POU3F3: variants seen among roughly 807,000 people sequenced by gnomAD.
POU3F3 encodes the protein POU class 3 homeobox 3.
Under a neutral mutation model 8.6 loss-of-function variants are expected in POU3F3, and 1 was observed. The ratio of observed to expected loss-of-function variants is 0.12; its 90% CI spans 0.04 to 0.55. The LOEUF is 0.55. POU3F3 is among the 20% of genes least tolerant of loss of function. The pLI, the probability that POU3F3 is intolerant of heterozygous loss-of-function variation, is 0.91. For synonymous variants in POU3F3, 418 were observed against 327.4 expected, an observed-to-expected ratio of 1.28 and a Z score of -2.99; for missense variants, 577 against 690.7, an observed-to-expected ratio of 0.84 and a Z score of 1.84.
chr2:104,855,456 T>G lies in POU3F3; in HGVS notation c.-55T>G, dbSNP rs1317282813. ...CGGCGGCGGCGGCGGCCGCGGCTGC[T>G]GCTGCGGCGGCGGCGGCGGTGGTGG... On this transcript the variant is annotated 5_prime_UTR_variant, in exon 1 of 1. Transcript: ENST00000361360. The G allele has an allele frequency of 4.0e-5, 32 of 802,136 alleles. No homozygotes were observed. Among genetic ancestry groups the G allele is most frequent in the Non-Finnish European group, 4.6e-5 (32 of 693,552 alleles). The allele number at this position is 802,136 out of a possible 1,614,324, so 49.7% of individuals were successfully genotyped here.
chr2:104,902,825 A>C, the POU3F3 span, among the ~76,000 whole-genome samples: 1 of 152,198 alleles, frequency 6.6e-6, no homozygotes, highest in Non-Finnish European at 1.5e-5. Flanking sequence ...AATAAATTAC[A>C]AATTCTCCAC....
the POU3F3 span, among the ~76,000 whole-genome samples, chr2:104,884,169 G>T: frequency 6.6e-6 from 1 of 152,140 alleles, no homozygotes; most frequent in Non-Finnish European, 1.5e-5. Flanking sequence ...CTACCAGATA[G>T]AATGTGATTA....
rs1018956053 is a variant in POU3F3, at chr2:104,855,879, G to A, written c.369G>A (p.Ser123=). 6.1e-5 allele frequency: 65 copies of A among 1,058,042 alleles called. No individual in the cohort carries two copies. Among genetic ancestry groups the A allele is most frequent in the Middle Eastern group, 4.5e-4 (1 of 2,238 alleles). The allele number at this position is 1,058,042 out of a possible 1,614,324, so 65.5% of individuals were successfully genotyped here. ...CCGTGGAGGCGAGCTCGCCGTGGTCGGGCAGCGCCGTGGGCATGGCTGGCA... is the reference window on the plus strand; with the variant it reads ...CCGTGGAGGCGAGCTCGCCGTGGTCAGGCAGCGCCGTGGGCATGGCTGGCA... The part of the protein sequence containing the change: ...AAAVEASSPW[S]GSAVGMAGSP... The change falls in exon 1 of 1, where the codon TCG becomes TCA. Residue 123 remains serine (S), a synonymous_variant. Transcript: ENST00000361360.
At chr2:104,880,835 G>T in the POU3F3 span, among the ~76,000 whole-genome samples, 1 of 152,092 alleles carries the variant, frequency 6.6e-6, no homozygotes, top group Non-Finnish European at 1.5e-5. Flanking sequence ...TTTATCCGGG[G>T]CAGGGATGGG....
the POU3F3 span, among the ~76,000 whole-genome samples, chr2:104,922,175 C>T: frequency 6.6e-6 from 1 of 151,926 alleles, no homozygotes; most frequent in East Asian, 1.9e-4. Context: ...AATCAACAAA[C>T]TCTGAGGAAT....
At chr2:104,924,910 C>A in the POU3F3 span, among the ~76,000 whole-genome samples, 1 of 152,114 alleles carries the variant, frequency 6.6e-6, no homozygotes, top group Non-Finnish European at 1.5e-5. Context: ...ATGAAAATGG[C>A]CCTGTGTATC....
chr2:104,921,953 C>G, the POU3F3 span, among the ~76,000 whole-genome samples: 1 of 152,292 alleles, frequency 6.6e-6, no homozygotes, highest in East Asian at 1.9e-4. Flanking sequence ...GCTGAGATCA[C>G]TCCACTGCAC....
chr2:104,874,764 G>A, the POU3F3 span, among the ~76,000 whole-genome samples: 4 of 152,156 alleles, frequency 2.6e-5, no homozygotes, highest in African/African-American at 4.8e-5. Context: ...TTCTTTCTCC[G>A]TCACAAATGT....
chr2:104,921,291 A>T, the POU3F3 span, among the ~76,000 whole-genome samples: 3 of 152,182 alleles, frequency 2.0e-5, no homozygotes, highest in Non-Finnish European at 4.4e-5. Context: ...TCACACCAGG[A>T]TTAGACAGAA....
the POU3F3 span, among the ~76,000 whole-genome samples, chr2:104,912,429 G>A: frequency 2.0e-5 from 3 of 148,688 alleles, no homozygotes; most frequent in African/African-American, 7.4e-5. Flanking sequence ...TTAAAAGCAT[G>A]CTTAGAAAAT....
At chr2:104,872,639 C>A in the POU3F3 span, 1 of 257,878 alleles carries the variant, frequency 3.9e-6, no homozygotes, top group South Asian at 3.7e-5. This position sits in a 1 kb window ranked among gnomAD's most constrained non-coding sequence, Gnocchi z 4.6. Flanking sequence ...AGGCCGCGGG[C>A]TCCCCTCCGC....
chr2:104,860,055 C>T (rs1278480054), downstream of POU3F3, among the ~76,000 whole-genome samples: 1 of 152,154 alleles, frequency 6.6e-6, no homozygotes, highest in Non-Finnish European at 1.5e-5. Context: ...GTTGATTAGA[C>T]AAGTAATAGG....
At chr2:104,880,853 T>A in the POU3F3 span, among the ~76,000 whole-genome samples, 2 of 152,206 alleles carry the variant, frequency 1.3e-5, no homozygotes, top group East Asian at 1.9e-4. Flanking sequence ...GGGTTAGGAA[T>A]GGTGGGCTAT....
chr2:104,855,293 CGCG>C lies in POU3F3; in HGVS notation c.-198_-196del, dbSNP rs972877629. Reference sequence around the variant, plus strand: ...CGGCCTTGCAGCTGCAGCCGGGGGCCGCGGCGGCGGCGGCGGCGGCGGGGGCGG... The same window carrying C: ...CGGCCTTGCAGCTGCAGCCGGGGGCCGCGGCGGCGGCGGCGGCGGGGGCGG... On this transcript the variant is annotated 5_prime_UTR_variant, in exon 1 of 1. Coordinates refer to ENST00000361360, the MANE Select transcript of POU3F3 (RefSeq NM_006236.3). 6.1e-5 allele frequency among the ~76,000 whole-genome samples: 9 copies of C among 146,564 alleles called. No individual in the cohort carries two copies. The highest frequency in any genetic ancestry group is 2.0e-4 in the East Asian group (1 of 5,046).
the POU3F3 span, among the ~76,000 whole-genome samples, chr2:104,876,481 T>C: frequency 4.6e-5 from 7 of 152,240 alleles, no homozygotes; most frequent in Non-Finnish European, 1.0e-4. Flanking sequence ...CACATGGCTG[T>C]ATTTGCCATT....
chr2:104,907,893 T>C, the POU3F3 span, among the ~76,000 whole-genome samples: 1 of 152,298 alleles, frequency 6.6e-6, no homozygotes, highest in East Asian at 1.9e-4. Context: ...CTATAAAGCA[T>C]GATACTATGA....
the POU3F3 span, among the ~76,000 whole-genome samples, chr2:104,897,104 G>A: frequency 3.3e-5 from 5 of 152,196 alleles, no homozygotes; most frequent in Non-Finnish European, 5.9e-5. Context: ...AGAAGTAGAG[G>A]AATTGGGAAG....
chr2:104,888,807 T>C, the POU3F3 span, among the ~76,000 whole-genome samples: 1 of 152,158 alleles, frequency 6.6e-6, no homozygotes, highest in Non-Finnish European at 1.5e-5. Context: ...GCCTCCCTCT[T>C]TTCTCCTTCA....
chr2:104,891,653 G>A, the POU3F3 span, among the ~76,000 whole-genome samples: 2 of 152,136 alleles, frequency 1.3e-5, no homozygotes, highest in Admixed American at 6.5e-5. Context: ...TTTGGAAATG[G>A]GCCTTTGGTT....
Sources: allele counts gnomAD v4.1 joint callset (sites outside exome capture counted in the v4.1 genomes callset), GRCh38; gene constraint gnomAD v4.1.1; non-coding constraint Gnocchi (gnomAD v3.1); transcripts MANE v1.5; gene names NCBI Gene and HGNC (gene_info 2026-07-23, HGNC 2026-07-21).